The following SPATS2L variants were observed in gnomAD, a reference collection of about 807,000 sequenced individuals.
SPATS2L encodes the protein SPATS2-like protein.
A neutral mutation model predicts 59.6 loss-of-function variants in SPATS2L; 30 were observed. The ratio of observed to expected loss-of-function variants is 0.50; its 90% CI spans 0.38 to 0.68. The LOEUF is 0.68. Among genes scored for constraint, SPATS2L ranks in the 30% least tolerant of loss-of-function variants. The pLI is 0.00. For synonymous variants in SPATS2L, 252 were observed against 263.5 expected (o/e 0.96, Z 0.42); for missense variants, 615 against 700.0 (o/e 0.88, Z 1.37).
chr2:200,392,097 T>G (rs1158252902), intron 3 of SPATS2L, among the ~76,000 whole-genome samples: 2 of 152,234 alleles, frequency 1.3e-5, no homozygotes, highest in Non-Finnish European at 2.9e-5. Flanking sequence ...CTTGGTATCT[T>G]CAAAATGATA....
chr2:200,309,619 TA>T (rs2079133031), intron 1 of SPATS2L, among the ~76,000 whole-genome samples: 2 of 152,256 alleles, frequency 1.3e-5, no homozygotes, highest in African/African-American at 2.4e-5. Context: ...TGGGTCTGTT[TA>T]TTGATCTCTG....
chr2:200,398,970 CG>C (rs2082436474), intron 3 of SPATS2L, among the ~76,000 whole-genome samples: 1 of 152,086 alleles, frequency 6.6e-6, no homozygotes, highest in African/African-American at 2.4e-5. Flanking sequence ...AGGGATGCTT[CG>C]GAACTCTGCT....
chr2:200,330,203 A>G (rs1372711191), intron 2 of SPATS2L, among the ~76,000 whole-genome samples: 1 of 39,564 alleles, frequency 2.5e-5, no homozygotes, highest in Non-Finnish European at 7.4e-5. Context: ...GATATTCAAT[A>G]AAACAGTAAC....
At chr2:200,432,910 A>G (rs921964392) in intron 6 of SPATS2L, among the ~76,000 whole-genome samples, 1 of 152,174 alleles carries the variant, frequency 6.6e-6, no homozygotes, top group Non-Finnish European at 1.5e-5. Flanking sequence ...AAGTAAAAGA[A>G]TAAAACAAAG....
At chr2:200,394,633 G>C (rs1486992854) in intron 3 of SPATS2L, among the ~76,000 whole-genome samples, 2 of 152,176 alleles carry the variant, frequency 1.3e-5, no homozygotes, top group Non-Finnish European at 2.9e-5. Flanking sequence ...AAGTTCTTTA[G>C]AGACTTCATT....
chr2:200,406,926 T>A (rs1455966732), intron 3 of SPATS2L, among the ~76,000 whole-genome samples: 2 of 152,112 alleles, frequency 1.3e-5, no homozygotes, highest in Non-Finnish European at 2.9e-5. Flanking sequence ...AAGGGAAAAG[T>A]GGGGACAGAG....
In SPATS2L at chr2:200,415,856, T is replaced by C. The variant is rs561296389; in HGVS notation, c.149-523T>C. Among the ~76,000 whole-genome samples the C allele has an allele frequency of 9.2e-5, 14 of 152,234 alleles. No homozygotes were observed. The East Asian group carries it at 2.3e-3, about 25-fold the overall frequency. On this transcript the variant is annotated intron_variant, in intron 4 of 12. Transcript: ENST00000409140. ...GTAGACCACATCCCATCTCTATCCA[T>C]GCTAACTCTAGAGAAACTAATATCA...
At chr2:200,375,023 C>T (rs1275318413) in intron 2 of SPATS2L, among the ~76,000 whole-genome samples, 3 of 152,098 alleles carry the variant, frequency 2.0e-5, no homozygotes, top group Admixed American at 6.5e-5. Flanking sequence ...CTGAACTTCC[C>T]CCAGTGTGAG....
At chr2:200,309,668 GT>G (rs1171728218) in intron 1 of SPATS2L, among the ~76,000 whole-genome samples, 1 of 152,152 alleles carries the variant, frequency 6.6e-6, no homozygotes, top group Non-Finnish European at 1.5e-5. Flanking sequence ...TTTCATCACT[GT>G]TTTGCCTTAA....
chr2:200,379,141 G>T (rs2081708270), intron 2 of SPATS2L, among the ~76,000 whole-genome samples: 1 of 152,050 alleles, frequency 6.6e-6, no homozygotes, highest in Non-Finnish European at 1.5e-5. Flanking sequence ...TTGTTTTTGT[G>T]TACATATCTG....
intron 1 of SPATS2L, among the ~76,000 whole-genome samples, chr2:200,316,443 A>G (rs1289251139): frequency 1.3e-5 from 2 of 152,186 alleles, no homozygotes; most frequent in African/African-American, 2.4e-5. Context: ...AGTGGTAACT[A>G]CCTTGATGTG....
rs148279560 is a variant in SPATS2L at position 200,408,218 on chromosome 2, G to A, written c.40-4093G>A. Among the ~76,000 whole-genome samples the A allele has an allele frequency of 1.1e-4, 17 of 152,272 alleles. No individual in the cohort carries two copies. In the East Asian group the frequency reaches 2.1e-3, roughly 19 times the overall value. On this transcript the variant is annotated intron_variant, in intron 3 of 12. Coordinates refer to ENST00000409140, the MANE Select transcript of SPATS2L (RefSeq NM_001100423.2). ...TCTTGGAAAAGCCCGGCCTGGGGGT[G>A]GGGGTTCAAAACTGGGCATGGGGAG...
chr2:200,478,032 G>A lies in SPATS2L; in HGVS notation c.*1G>A, dbSNP rs1409340271. On this transcript the variant is annotated 3_prime_UTR_variant, in exon 13 of 13. Coordinates refer to ENST00000409140, the MANE Select transcript of SPATS2L (RefSeq NM_001100423.2). ...CCCGGCTGTGACGTTGGTGGCCTGA[G>A]CTAGGAGGAAAAAGAGCAGTTTTCA... The A allele has an allele frequency of 6.5e-7, 1 of 1,537,662 alleles. No individual in the cohort carries two copies. The highest frequency in any genetic ancestry group is 8.7e-7 in the Non-Finnish European group (1 of 1,143,974).
At chr2:200,367,105 C>G (rs977637563) in intron 2 of SPATS2L, among the ~76,000 whole-genome samples, 5 of 152,174 alleles carry the variant, frequency 3.3e-5, no homozygotes, top group African/African-American at 1.2e-4. Flanking sequence ...GATAAAACAT[C>G]AGTATTCTAA....
chr2:200,308,532 C>T (rs2105736850), intron 1 of SPATS2L, among the ~76,000 whole-genome samples: 1 of 152,170 alleles, frequency 6.6e-6, no homozygotes, highest in South Asian at 2.1e-4. Flanking sequence ...TGTGTTAAAA[C>T]CTATTGTATG....
chr2:200,354,748 GT>G (rs1438427146), intron 2 of SPATS2L, among the ~76,000 whole-genome samples: 4 of 152,200 alleles, frequency 2.6e-5, no homozygotes, highest in African/African-American at 9.7e-5. Context: ...TGGAGGGATA[GT>G]TTGTAGAAAA....
At chr2:200,424,167 A>C (rs2083426676) in intron 6 of SPATS2L, among the ~76,000 whole-genome samples, 1 of 152,170 alleles carries the variant, frequency 6.6e-6, no homozygotes, top group African/African-American at 2.4e-5. Context: ...GCTCAAATAC[A>C]AAATCAGGCA....
intron 1 of SPATS2L, among the ~76,000 whole-genome samples, chr2:200,311,677 C>T (rs1276572954): frequency 2.0e-5 from 3 of 152,098 alleles, no homozygotes; most frequent in African/African-American, 7.2e-5. Flanking sequence ...CTACCACATC[C>T]CATTGTATTC....
intron 5 of SPATS2L, 73 bp downstream of exon 5, chr2:200,416,501 G>A: frequency 1.1e-6 from 1 of 883,650 alleles, no homozygotes; most frequent in Non-Finnish European, 1.6e-6. Context: ...ATTTTAACAA[G>A]GCTGCCAATT....
Sources: allele counts gnomAD v4.1 joint callset (sites outside exome capture counted in the v4.1 genomes callset), GRCh38; gene constraint gnomAD v4.1.1; transcripts MANE v1.5; gene names NCBI Gene and HGNC (gene_info 2026-07-23, HGNC 2026-07-21).